Variants in ADGRE3 observed in about 807,000 individuals in gnomAD.
The protein encoded by ADGRE3 is adhesion G protein-coupled receptor E3.
A neutral mutation model predicts 80.1 loss-of-function variants in ADGRE3; 88 were observed. The ratio of observed to expected loss-of-function variants is 1.10; its 90% CI spans 0.93 to 1.31. ADGRE3 has a LOEUF of 1.31. Among genes scored for constraint, ADGRE3 ranks in the 40% most tolerant of loss-of-function variants. The pLI, the probability that ADGRE3 is intolerant of heterozygous loss-of-function variation, is 0.00. For synonymous variants in ADGRE3, 281 were observed against 294.8 expected (o/e 0.95, Z 0.48); for missense variants, 715 against 776.5 (o/e 0.92, Z 0.94).
the ADGRE3 span, among the ~76,000 whole-genome samples, chr19:14,611,891 C>A: frequency 6.6e-6 from 1 of 152,128 alleles, no homozygotes; most frequent in Non-Finnish European, 1.5e-5. Context: ...GTAATCCCAG[C>A]TACTCAGGAG....
At chr19:14,636,892 A>C (rs1971105599) in intron 11 of ADGRE3, among the ~76,000 whole-genome samples, 1 of 152,028 alleles carries the variant, frequency 6.6e-6, no homozygotes. Context: ...TCAGGAGTTC[A>C]AGACCAGCCT....
chr19:14,617,351 T>C (rs1599593915), downstream of ADGRE3, among the ~76,000 whole-genome samples: 1 of 92,852 alleles, frequency 1.1e-5, no homozygotes, highest in South Asian at 4.6e-4. Flanking sequence ...CCTTTCTTTC[T>C]TTCTTTCTTT....
the ADGRE3 span, among the ~76,000 whole-genome samples, chr19:14,603,526 C>G: frequency 1.3e-5 from 2 of 152,048 alleles, no homozygotes; most frequent in South Asian, 2.1e-4. Flanking sequence ...GTGGCATGAT[C>G]TTGGCTCACT....
At position 14,663,560 on chromosome 19, in the gene ADGRE3, A is replaced by G; in HGVS notation, c.77-20T>C. On this transcript the variant is annotated intron_variant, in intron 2 of 15. Coordinates refer to ENST00000253673, the MANE Select transcript of ADGRE3 (RefSeq NM_032571.5). ...AGGAAGCTGCAGGGAGAAGAGAGGC[A>G]GGTTAAATGGACTGGGGTCACAAAC... 6.2e-7 allele frequency: 1 copy of G among 1,608,042 alleles called. No individual in the cohort carries two copies. Among genetic ancestry groups the G allele is most frequent in the Non-Finnish European group, 8.5e-7 (1 of 1,176,070 alleles).
intron 13 of ADGRE3, among the ~76,000 whole-genome samples, chr19:14,632,342 T>C (rs1165976872): frequency 1.3e-5 from 2 of 152,208 alleles, no homozygotes; most frequent in East Asian, 3.8e-4. Flanking sequence ...TCTTGTGTAG[T>C]GTGGCAGAAA....
At chr19:14,673,301 C>A (rs1402132682) in intron 1 of ADGRE3, among the ~76,000 whole-genome samples, 1 of 152,182 alleles carries the variant, frequency 6.6e-6, no homozygotes, top group African/African-American at 2.4e-5. Context: ...TGCTATGTGA[C>A]AATGTAAAGC....
intron 15 of ADGRE3, 152 bp downstream of exon 15, chr19:14,625,340 G>A (rs1970708650): frequency 5.0e-6 from 3 of 599,996 alleles, no homozygotes; most frequent in East Asian, 2.9e-5. Flanking sequence ...CATGGCACAC[G>A]TTTACCTATG....
intron 11 of ADGRE3, 41 bp from the exon 12 acceptor site, chr19:14,633,343 A>G (rs1482051744): frequency 1.4e-6 from 2 of 1,461,022 alleles, no homozygotes; most frequent in Non-Finnish European, 1.9e-6. Flanking sequence ...GAGATCAGAG[A>G]AAGTGCGTGA....
At chr19:14,602,828 C>T in the ADGRE3 span, among the ~76,000 whole-genome samples, 8 of 151,908 alleles carry the variant, frequency 5.3e-5, no homozygotes, top group Admixed American at 2.0e-4. Context: ...CTCTGCCTCC[C>T]GAGTTCAAGT....
At chr19:14,666,858 C>A (rs1972120119) in intron 2 of ADGRE3, among the ~76,000 whole-genome samples, 1 of 152,124 alleles carries the variant, frequency 6.6e-6, no homozygotes, top group Non-Finnish European at 1.5e-5. Context: ...CTCTGAAAGT[C>A]TATTCTTAAT....
chr19:14,638,387 A>G (rs140506671), intron 10 of ADGRE3, 47 bp from the exon 11 acceptor site: 272 of 1,452,366 alleles, frequency 1.9e-4, no homozygotes, highest in Non-Finnish European at 2.6e-4. Context: ...AGGGTGGAGT[A>G]TGGCCCTAGG....
the ADGRE3 span, among the ~76,000 whole-genome samples, chr19:14,613,344 C>A: frequency 6.6e-6 from 1 of 151,986 alleles, no homozygotes; most frequent in South Asian, 2.1e-4. Flanking sequence ...TCCTCAGACT[C>A]CTGTATAACT....
chr19:14,607,061 AG>A, the ADGRE3 span: 1 of 1,346,850 alleles, frequency 7.4e-7, no homozygotes, highest in South Asian at 1.9e-5. Context: ...GGGCCCAGGA[AG>A]GGGACTGGAG....
At chr19:14,671,869 C>T (rs529080708) in intron 1 of ADGRE3, among the ~76,000 whole-genome samples, 110 of 152,052 alleles carry the variant, frequency 7.2e-4, no homozygotes, top group African/African-American at 2.4e-3. Context: ...TCACTGTAGC[C>T]TTGAACTCCT....
chr19:14,661,917 AAAC>A (rs779802244), intron 4 of ADGRE3, 43 bp downstream of exon 4: 23 of 1,596,478 alleles, frequency 1.4e-5, no homozygotes, highest in African/African-American at 6.7e-5. Flanking sequence ...ACAAACAAAA[AAAC>A]AACAACAGAG....
At chr19:14,667,261 A>G (rs1214553523) in intron 2 of ADGRE3, among the ~76,000 whole-genome samples, 2 of 151,458 alleles carry the variant, frequency 1.3e-5, no homozygotes, top group Non-Finnish European at 2.9e-5. Context: ...TAATGCAAAT[A>G]CCCTTCCATC....
intron 7 of ADGRE3, among the ~76,000 whole-genome samples, chr19:14,648,862 C>T (rs184398677): frequency 1.6e-3 from 247 of 152,198 alleles, no homozygotes; most frequent in African/African-American, 5.5e-3. Context: ...TTGGACATGT[C>T]GGCCTTCCAT....
chr19:14,641,728 A>C (rs890426710), intron 9 of ADGRE3, 112 bp from the exon 10 acceptor site: 13 of 1,283,042 alleles, frequency 1.0e-5, no homozygotes, highest in African/African-American at 5.9e-5. Flanking sequence ...GTAGTGTGGG[A>C]CCGTTAGACT....
chr19:14,620,568 A>ATATATATTTTTT (rs1435435269), intron 15 of ADGRE3, among the ~76,000 whole-genome samples: 1 of 11,044 alleles, frequency 9.1e-5, no homozygotes, highest in Non-Finnish European at 1.5e-4. Flanking sequence ...ATATATATAT[A>ATATATATTTTTT]TTTTTTTTTT....
Sources: gnomAD v4.1 joint callset for allele counts (sites outside exome capture counted in the v4.1 genomes callset) on GRCh38, gnomAD v4.1.1 for gene constraint, MANE v1.5 for transcripts, NCBI Gene and HGNC (gene_info 2026-07-23, HGNC 2026-07-21) for gene names.